Variants in PNLIPRP3 observed in about 807,000 individuals in gnomAD.
PNLIPRP3 encodes the protein pancreatic lipase-related protein 3.
In PNLIPRP3, 58 loss-of-function variants were observed where a neutral mutation model predicts 52.8. That is an observed-to-expected ratio of 1.10 (90% CI 0.89 to 1.37). The LOEUF is 1.37. Among genes scored for constraint, PNLIPRP3 ranks in the 40% most tolerant of loss-of-function variants. The probability of loss-of-function intolerance (pLI) is 0.00; values close to 1 mark genes in which losing one functional copy is unlikely to be tolerated. For missense variants in PNLIPRP3, 593 were observed against 561.6 expected (o/e 1.06, Z -0.57); for synonymous variants, 192 against 185.0 (o/e 1.04, Z -0.31).
At position 116,455,842 on chromosome 10, in the gene PNLIPRP3, C is replaced by T; in HGVS notation, c.565+12C>T. ...TGGAAGAATAACTGGTAAGCATGCC[C>T]TGCAGTTGGGCCTTGAGTGTGTTTA... On this transcript the variant is annotated intron_variant, in intron 5 of 11. Transcript: ENST00000369230. 1 of 1,591,188 alleles carries T rather than the reference C, an allele frequency of 6.3e-7. No homozygotes were observed. The highest frequency in any genetic ancestry group is 2.2e-5 in the East Asian group (1 of 44,764).
chr10:116,456,061 C>T (rs1377878067), intron 5 of PNLIPRP3, among the ~76,000 whole-genome samples: 3 of 152,186 alleles, frequency 2.0e-5, no homozygotes, highest in Non-Finnish European at 4.4e-5. Flanking sequence ...CTATGTGTTC[C>T]CTCACCCGCA....
At position 116,439,940 on chromosome 10, in the gene PNLIPRP3, C is replaced by T. The variant is rs1419942611; in HGVS notation, c.204+3075C>T. On this transcript the variant is annotated intron_variant, in intron 2 of 11. Transcript: ENST00000369230. ...TTCTTGGAAAATTCTGCAAAATTGA[C>T]AGGGACCTCTGGGTTTTTCTTCTTA... The T allele has an allele frequency of 9.2e-6, 8 of 867,232 alleles. No individual in the cohort carries two copies. In the East Asian group the frequency reaches 1.7e-4, roughly 18 times the overall value. 53.7% of individuals were successfully genotyped at this position (867,232 alleles called of 1,614,324 possible).
At chr10:116,463,633 C>T (rs529509006) in intron 7 of PNLIPRP3, among the ~76,000 whole-genome samples, 2 of 152,222 alleles carry the variant, frequency 1.3e-5, no homozygotes, top group South Asian at 4.1e-4. Flanking sequence ...TTAACATGGC[C>T]TCCATGTTGA....
At chr10:116,436,578 A>T in intron 1 of PNLIPRP3, 133 bp from the exon 2 acceptor site, 1 of 947,490 alleles carries the variant, frequency 1.1e-6, no homozygotes, top group Non-Finnish European at 1.5e-6. Flanking sequence ...AGAATAGGAG[A>T]AAATATTTTC....
chr10:116,454,431 T>A (rs1019700317), intron 4 of PNLIPRP3, among the ~76,000 whole-genome samples: 2 of 152,206 alleles, frequency 1.3e-5, no homozygotes, highest in African/African-American at 4.8e-5. Context: ...GTACCATTTT[T>A]TAATAATGAG....
chr10:116,469,413 T>G, intron 9 of PNLIPRP3, 96 bp downstream of exon 9: 1 of 1,267,424 alleles, frequency 7.9e-7, no homozygotes, highest in Non-Finnish European at 1.1e-6. Context: ...TAACTGGGCA[T>G]TAGGCCAGAC....
intron 10 of PNLIPRP3, among the ~76,000 whole-genome samples, chr10:116,476,399 T>C (rs1468756630): frequency 6.6e-6 from 1 of 152,166 alleles, no homozygotes; most frequent in East Asian, 1.9e-4. Flanking sequence ...TATGGAGAAA[T>C]CACAATAATG....
At chr10:116,429,746 G>C (rs537950731) in intron 1 of PNLIPRP3, among the ~76,000 whole-genome samples, 1 of 152,298 alleles carries the variant, frequency 6.6e-6, no homozygotes, top group African/African-American at 2.4e-5. Flanking sequence ...AGTTTGCCCT[G>C]ATCTGCTGAG....
intron 2 of PNLIPRP3, among the ~76,000 whole-genome samples, chr10:116,440,669 A>T (rs990898638): frequency 1.3e-5 from 2 of 152,170 alleles, no homozygotes; most frequent in African/African-American, 4.8e-5. Context: ...GTGTGGTACG[A>T]TAAACTTGGT....
chr10:116,454,131 A>G (rs1000312677), intron 4 of PNLIPRP3, among the ~76,000 whole-genome samples: 4 of 148,760 alleles, frequency 2.7e-5, no homozygotes, highest in African/African-American at 9.9e-5. Context: ...TTTTTTTTTG[A>G]GATTTGAGAC....
At chr10:116,457,561 T>TCCA (rs1030108494) in intron 5 of PNLIPRP3, among the ~76,000 whole-genome samples, 29 of 151,976 alleles carry the variant, frequency 1.9e-4, no homozygotes, top group Non-Finnish European at 3.8e-4. Flanking sequence ...CTCACTCACC[T>TCCA]CCACCACCAC....
At chr10:116,455,296 A>C (rs1052130092) in intron 4 of PNLIPRP3, among the ~76,000 whole-genome samples, 64 of 152,180 alleles carry the variant, frequency 4.2e-4, no homozygotes, top group African/African-American at 1.4e-3. Flanking sequence ...AAGTTATCCC[A>C]TACATTTTCT....
At chr10:116,439,600 T>G in intron 2 of PNLIPRP3, 1 of 783,562 alleles carries the variant, frequency 1.3e-6, no homozygotes, top group South Asian at 1.4e-5. Context: ...TCATACTTTT[T>G]CAGCTTTGCC....
At chr10:116,439,562 T>C in intron 2 of PNLIPRP3, 1 of 843,690 alleles carries the variant, frequency 1.2e-6, no homozygotes, top group Non-Finnish European at 2.0e-6. Flanking sequence ...CAAACTTTAC[T>C]TTCGACTTAT....
intron 4 of PNLIPRP3, among the ~76,000 whole-genome samples, chr10:116,450,425 T>C (rs1248476327): frequency 6.6e-6 from 1 of 152,122 alleles, no homozygotes; most frequent in Non-Finnish European, 1.5e-5. Context: ...AATAAACTTA[T>C]TCTAAAGTTA....
chr10:116,467,984 G>T (rs1846306578), intron 8 of PNLIPRP3, among the ~76,000 whole-genome samples: 1 of 151,756 alleles, frequency 6.6e-6, no homozygotes, highest in Non-Finnish European at 1.5e-5. Flanking sequence ...AATTAGCCGG[G>T]CGTGGTGGCG....
intron 1 of PNLIPRP3, among the ~76,000 whole-genome samples, chr10:116,433,286 G>A (rs1432966754): frequency 1.3e-5 from 2 of 151,948 alleles, no homozygotes; most frequent in East Asian, 3.9e-4. Context: ...CAACAAATTT[G>A]AGTATATTTT....
chr10:116,460,894 C>T (rs1166722556), intron 5 of PNLIPRP3, 72 bp from the exon 6 acceptor site: 1 of 1,554,492 alleles, frequency 6.4e-7, no homozygotes, highest in African/African-American at 1.4e-5. Context: ...TAGGAAAGGA[C>T]ACATGCTTCC....
At chr10:116,463,563 G>A (rs1270035666) in intron 7 of PNLIPRP3, among the ~76,000 whole-genome samples, 1 of 152,116 alleles carries the variant, frequency 6.6e-6, no homozygotes, top group African/African-American at 2.4e-5. Context: ...ACTGATCTTG[G>A]TTCTTTGCTA....
Sources: allele counts gnomAD v4.1 joint callset (sites outside exome capture counted in the v4.1 genomes callset), GRCh38; gene constraint gnomAD v4.1.1; transcripts MANE v1.5; gene names NCBI Gene and HGNC (gene_info 2026-07-23, HGNC 2026-07-21).